MCHR2: variants seen among roughly 807,000 people sequenced by gnomAD.
The protein encoded by MCHR2 is melanin concentrating hormone receptor 2, also known as melanin-concentrating hormone receptor 2.
Under a neutral mutation model 24.8 loss-of-function variants are expected in MCHR2, and 15 were observed. The observed-to-expected ratio is 0.60, with a 90% CI of 0.40 to 0.93. MCHR2 has a LOEUF of 0.93. MCHR2 is among the 40% of genes least tolerant of loss of function. The probability of loss-of-function intolerance (pLI) is 0.00; values close to 1 mark genes in which losing one functional copy is unlikely to be tolerated. For synonymous variants in MCHR2, 151 were observed against 147.6 expected, an observed-to-expected ratio of 1.02 and a Z score of -0.17; for missense variants, 386 against 408.7, an observed-to-expected ratio of 0.94 and a Z score of 0.48.
intron 1 of MCHR2, among the ~76,000 whole-genome samples, chr6:99,990,951 T>C (rs1485776269): frequency 6.7e-6 from 1 of 148,612 alleles, no homozygotes; most frequent in Non-Finnish European, 1.5e-5. Context: ...TCCTTAGATA[T>C]GCATCTCCTG....
At chr6:99,935,494 A>T (rs1359546791) in intron 4 of MCHR2, among the ~76,000 whole-genome samples, 1 of 152,000 alleles carries the variant, frequency 6.6e-6, no homozygotes, top group East Asian at 1.9e-4. Flanking sequence ...GTTTCACTTA[A>T]CATAATAGCC....
In MCHR2 at chr6:99,964,241, A is replaced by G. The variant is rs1053244712; in HGVS notation, c.-27-8067T>C. ...TTGAATAGATACATATTGCTGTATG[A>G]CCCTGAATCTTCCCCTTAGGTAGGA... is the stretch of plus-strand genomic sequence containing the variant. On this transcript the variant is annotated intron_variant, in intron 1 of 5. Coordinates refer to ENST00000281806, the MANE Select transcript of MCHR2 (RefSeq NM_001040179.2). Among the ~76,000 whole-genome samples, 12 of 152,122 alleles carry G rather than the reference A, an allele frequency of 7.9e-5. 1 individual carries two copies. In the East Asian group the frequency reaches 2.3e-3, roughly 29 times the overall value.
At chr6:99,945,542 A>C (rs9495922) in intron 3 of MCHR2, among the ~76,000 whole-genome samples, 44,020 of 152,080 alleles carry the variant, frequency 0.29, 7,423 homozygotes, top group Admixed American at 0.41. Flanking sequence ...GAAATGCATG[A>C]TCTATTAAAC....
At chr6:99,938,169 T>G (rs976538415) in intron 4 of MCHR2, among the ~76,000 whole-genome samples, 19 of 151,998 alleles carry the variant, frequency 1.3e-4, no homozygotes, top group African/African-American at 4.3e-4. Flanking sequence ...TTGTTGATCG[T>G]CTGTAGTTTT....
At chr6:99,931,165 G>A (rs946327432) in intron 5 of MCHR2, among the ~76,000 whole-genome samples, 24 of 152,148 alleles carry the variant, frequency 1.6e-4, no homozygotes, top group African/African-American at 5.8e-4. Flanking sequence ...TTCGTGAACC[G>A]CGAATGCTGC....
At chr6:99,977,135 G>A (rs1383798066) in intron 1 of MCHR2, among the ~76,000 whole-genome samples, 2 of 152,186 alleles carry the variant, frequency 1.3e-5, no homozygotes, top group African/African-American at 4.8e-5. Flanking sequence ...ACTCATTCAT[G>A]AATCACTCTC....
At chr6:99,971,569 T>C (rs1458658597) in intron 1 of MCHR2, among the ~76,000 whole-genome samples, 16 of 152,178 alleles carry the variant, frequency 1.1e-4, no homozygotes, top group African/African-American at 1.2e-4. Flanking sequence ...TCCTGCCTCA[T>C]TGCCCTGGCC....
chr6:99,965,829 C>G (rs1171739642), intron 1 of MCHR2, among the ~76,000 whole-genome samples: 3 of 152,100 alleles, frequency 2.0e-5, no homozygotes, highest in Non-Finnish European at 4.4e-5. Flanking sequence ...TTTTTATGAT[C>G]TCACAAATCA....
At chr6:99,956,823 T>C (rs1775071882) in intron 1 of MCHR2, among the ~76,000 whole-genome samples, 1 of 152,122 alleles carries the variant, frequency 6.6e-6, no homozygotes, top group Non-Finnish European at 1.5e-5. Context: ...GAAAATTATT[T>C]GCTTGATCAA....
Position 99,969,268 on chromosome 6 carries a change from G to A in MCHR2, c.-27-13094C>T, listed in dbSNP as rs201372711. Among the ~76,000 whole-genome samples the A allele has an allele frequency of 2.0e-4, 31 of 152,124 alleles. No homozygotes were observed. The East Asian group carries it at 6.0e-3, about 29-fold the overall frequency. ...AGGCGGGAGGATCACGATGTTAGGA[G>A]TTCAAGACCAGCCTGGCCAACATGG... On this transcript the variant is annotated intron_variant, in intron 1 of 5. Transcript: ENST00000281806.
intron 1 of MCHR2, among the ~76,000 whole-genome samples, chr6:99,990,216 G>T (rs1202750329): frequency 6.6e-6 from 1 of 152,166 alleles, no homozygotes; most frequent in Non-Finnish European, 1.5e-5. Context: ...ATTAAAATTG[G>T]AGTAATGAGC....
chr6:99,970,081 G>A (rs1309563332), intron 1 of MCHR2, among the ~76,000 whole-genome samples: 1 of 150,232 alleles, frequency 6.7e-6, no homozygotes, highest in East Asian at 1.9e-4. Context: ...ACCCAGTAAT[G>A]GGATGGCTGG....
intron 5 of MCHR2, among the ~76,000 whole-genome samples, chr6:99,934,089 A>G (rs1774600491): frequency 6.6e-6 from 1 of 152,146 alleles, no homozygotes; most frequent in African/African-American, 2.4e-5. Flanking sequence ...AACTCTGCAA[A>G]ATGTGCAATG....
At chr6:99,988,631 G>A (rs1410225956) in intron 1 of MCHR2, among the ~76,000 whole-genome samples, 1 of 152,056 alleles carries the variant, frequency 6.6e-6, no homozygotes, top group Non-Finnish European at 1.5e-5. Flanking sequence ...GAAACTCAGA[G>A]CCACCCAAAC....
chr6:99,921,350 T>C (rs1290726186), intron 5 of MCHR2, 95 bp from the exon 6 acceptor site: 2 of 1,063,386 alleles, frequency 1.9e-6, no homozygotes, highest in Admixed American at 2.3e-5. Flanking sequence ...TCATAATGGC[T>C]TTGTAGTGAA....
chr6:99,971,674 T>G (rs1312971599), intron 1 of MCHR2, among the ~76,000 whole-genome samples: 1 of 152,218 alleles, frequency 6.6e-6, no homozygotes, highest in Non-Finnish European at 1.5e-5. Flanking sequence ...TTTTGCCCAT[T>G]CAACATGATA....
intron 5 of MCHR2, among the ~76,000 whole-genome samples, chr6:99,927,268 A>C (rs907222954): frequency 6.6e-6 from 1 of 152,158 alleles, no homozygotes; most frequent in African/African-American, 2.4e-5. Flanking sequence ...GTCAGGTAGC[A>C]TGATGCCTCC....
At chr6:99,985,999 T>G (rs1775761382) in intron 1 of MCHR2, among the ~76,000 whole-genome samples, 1 of 151,744 alleles carries the variant, frequency 6.6e-6, no homozygotes, top group African/African-American at 2.4e-5. Context: ...ATAACCCTAT[T>G]AAAAAGCAAG....
chr6:99,981,238 T>C (rs1389855942), intron 1 of MCHR2, among the ~76,000 whole-genome samples: 1 of 152,220 alleles, frequency 6.6e-6, no homozygotes, highest in East Asian at 1.9e-4. Context: ...ATGTCTATCA[T>C]GTAACATTCT....
Sources: gnomAD v4.1 joint callset for allele counts (sites outside exome capture counted in the v4.1 genomes callset) on GRCh38, gnomAD v4.1.1 for gene constraint, MANE v1.5 for transcripts, NCBI Gene and HGNC (gene_info 2026-07-23, HGNC 2026-07-21) for gene names.